The following TTC28 variants were observed in gnomAD, a reference collection of about 807,000 sequenced individuals.
TTC28 encodes the protein tetratricopeptide repeat domain 28, also known as tetratricopeptide repeat protein 28.
TTC28 carries 61 observed loss-of-function variants against 198.0 expected under a neutral mutation model. The observed-to-expected ratio is 0.31, with a 90% CI of 0.25 to 0.38. The LOEUF (loss-of-function observed/expected upper bound fraction) is 0.38, where lower values mean the gene tolerates loss of function less well. TTC28 is among the 10% of genes least tolerant of loss of function. The pLI is 1.00. For missense variants in TTC28, 2,678 were observed against 3,164.0 expected (o/e 0.85, Z 3.69); for synonymous variants, 1,171 against 1,297.8 (o/e 0.90, Z 2.10).
intron 5 of TTC28, among the ~76,000 whole-genome samples, chr22:28,168,533 C>T (rs1256516314): frequency 6.6e-6 from 1 of 151,826 alleles, no homozygotes; most frequent in Non-Finnish European, 1.5e-5. Flanking sequence ...CTACAACCAT[C>T]TGATCTTTGA....
intron 2 of TTC28, among the ~76,000 whole-genome samples, chr22:28,410,221 C>T (rs2047061126): frequency 6.6e-6 from 1 of 152,172 alleles, no homozygotes; most frequent in Non-Finnish European, 1.5e-5. Context: ...AATGCCTGGC[C>T]TGTGCTATCT....
chr22:28,214,400 T>C (rs1454551779), intron 5 of TTC28, among the ~76,000 whole-genome samples: 1 of 152,244 alleles, frequency 6.6e-6, no homozygotes, highest in East Asian at 1.9e-4. Context: ...AGGGCGAATA[T>C]CCAGAATCTA....
At chr22:28,537,614 A>T (rs566652027) in intron 2 of TTC28, among the ~76,000 whole-genome samples, 1 of 152,310 alleles carries the variant, frequency 6.6e-6, no homozygotes, top group South Asian at 2.1e-4. Context: ...TTGATAGATC[A>T]AAATGTATAA....
chr22:28,248,784 C>G (rs1328913582), intron 5 of TTC28, among the ~76,000 whole-genome samples: 1 of 152,168 alleles, frequency 6.6e-6, no homozygotes, highest in Non-Finnish European at 1.5e-5. Context: ...TTTCCTACCT[C>G]TTTCCGTGAG....
intron 5 of TTC28, among the ~76,000 whole-genome samples, chr22:28,241,956 T>G (rs974934592): frequency 6.6e-6 from 1 of 152,144 alleles, no homozygotes; most frequent in Non-Finnish European, 1.5e-5. Flanking sequence ...AAATGAAGCA[T>G]TTCTAATCAT....
chr22:28,568,595 T>C (rs2050015802), intron 2 of TTC28, among the ~76,000 whole-genome samples: 2 of 152,070 alleles, frequency 1.3e-5, no homozygotes, highest in Admixed American at 6.6e-5. Context: ...AAATCAAGAA[T>C]GCAATCCCAT....
rs556875788 is a variant in TTC28 at position 28,287,903 on chromosome 22, T to C, written c.933+8295A>G. 9.2e-5 allele frequency among the ~76,000 whole-genome samples: 14 copies of C among 152,304 alleles called. No homozygotes were observed. The South Asian group carries it at 2.9e-3, about 32-fold the overall frequency. On this transcript the variant is annotated intron_variant, in intron 5 of 22. Coordinates refer to ENST00000397906, the MANE Select transcript of TTC28 (RefSeq NM_001145418.2). The stretch of plus-strand genomic sequence containing the variant: ...GGCTTCACAAATTAGAATATTTATA[T>C]ACCCCCATGTGACAAGAGGTATGCA...
chr22:28,347,852 G>A (rs1321969025), intron 2 of TTC28, among the ~76,000 whole-genome samples: 2 of 152,250 alleles, frequency 1.3e-5, no homozygotes, highest in Non-Finnish European at 2.9e-5. Context: ...GCACTTCAGG[G>A]TGAGAGAGTG....
Position 28,107,934 on chromosome 22 carries a change from G to A in TTC28, c.1911C>T (p.Cys637=). The stretch of plus-strand genomic sequence containing the variant: ...AGTAATGGGCATAGCCAAGATTGTG[G>A]CAGACCTTCCCTTCTCCTTCCATGT... ...LQDMEGEGKV[C]HNLGYAHYCL... is the part of the protein sequence containing the mutation. The change falls in exon 7 of 23, where the codon TGC becomes TGT. Residue 637 remains cysteine (C), a synonymous_variant. Coordinates refer to ENST00000397906, the MANE Select transcript of TTC28 (RefSeq NM_001145418.2). 6.4e-7 allele frequency: 1 copy of A among 1,551,708 alleles called. No individual in the cohort carries two copies. The highest frequency in any genetic ancestry group is 8.7e-7 in the Non-Finnish European group (1 of 1,147,008).
rs75086576 is a variant in TTC28 at position 28,451,050 on chromosome 22, G to A, written c.382-144407C>T. 6.3e-3 allele frequency among the ~76,000 whole-genome samples: 957 copies of A among 152,234 alleles called. 16 individuals carry two copies. The highest frequency in any genetic ancestry group is 0.022 in the African/African-American group (914 of 41,532). ...AACATTCAGAGTACAGAATTGGAGC[G>A]GGCTACGCAGACATGGAGCTCCAGA... On this transcript the variant is annotated intron_variant, in intron 2 of 22. Transcript: ENST00000397906.
chr22:28,615,016 G>A (rs1327794596), intron 2 of TTC28, among the ~76,000 whole-genome samples: 3 of 152,072 alleles, frequency 2.0e-5, no homozygotes, highest in South Asian at 4.1e-4. Flanking sequence ...GAAACCTACA[G>A]AATGGGAGAA....
chr22:28,619,579 G>C (rs895592374), intron 2 of TTC28, among the ~76,000 whole-genome samples: 7 of 152,166 alleles, frequency 4.6e-5, no homozygotes, highest in African/African-American at 1.7e-4. Flanking sequence ...ATGTTTGTCA[G>C]CAGAATAGTA....
chr22:28,432,870 T>C (rs1374151938), intron 2 of TTC28, among the ~76,000 whole-genome samples: 2 of 152,182 alleles, frequency 1.3e-5, no homozygotes, highest in Non-Finnish European at 2.9e-5. Flanking sequence ...GTGGTCAACA[T>C]CCTCTATCTT....
chr22:27,997,457 A>G (rs1937572405), intron 16 of TTC28: 1 of 152,110 alleles, frequency 6.6e-6, no homozygotes, highest in African/African-American at 2.4e-5. Flanking sequence ...CCAGGCAGCC[A>G]CCCCTGCAGC....
intron 5 of TTC28, among the ~76,000 whole-genome samples, chr22:28,248,277 A>G (rs1930254345): frequency 6.6e-6 from 1 of 152,178 alleles, no homozygotes; most frequent in African/African-American, 2.4e-5. Flanking sequence ...GCCCCTATCT[A>G]TCTCCTTGAC....
At chr22:28,147,114 G>A (rs1360405251) in intron 6 of TTC28, among the ~76,000 whole-genome samples, 2 of 152,192 alleles carry the variant, frequency 1.3e-5, no homozygotes, top group Non-Finnish European at 2.9e-5. Flanking sequence ...TGAACCAAAA[G>A]TTGCATTCCA....
At chr22:28,016,255 A>T (rs1329702476) in intron 13 of TTC28, among the ~76,000 whole-genome samples, 1 of 152,210 alleles carries the variant, frequency 6.6e-6, no homozygotes, top group Non-Finnish European at 1.5e-5. Context: ...AGTGAAGCAC[A>T]GATAACCCCG....
chr22:28,645,157 C>A (rs1185286616), intron 1 of TTC28, among the ~76,000 whole-genome samples: 1 of 151,660 alleles, frequency 6.6e-6, no homozygotes, highest in Non-Finnish European at 1.5e-5. Context: ...AAAAAAAATG[C>A]TCCAGTTCGT....
intron 6 of TTC28, among the ~76,000 whole-genome samples, chr22:28,155,719 G>C (rs1263985687): frequency 6.6e-6 from 1 of 152,132 alleles, no homozygotes; most frequent in Non-Finnish European, 1.5e-5. Context: ...CTCAGTTTTA[G>C]GTAAACGGTA....
Sources: allele counts gnomAD v4.1 joint callset (sites outside exome capture counted in the v4.1 genomes callset), GRCh38; gene constraint gnomAD v4.1.1; transcripts MANE v1.5; gene names NCBI Gene and HGNC (gene_info 2026-07-23, HGNC 2026-07-21).